Variants in MACROD2 observed in about 807,000 individuals in gnomAD.
MACROD2 encodes the protein ADP-ribose glycohydrolase MACROD2.
A neutral mutation model predicts 70.4 loss-of-function variants in MACROD2; 36 were observed. That is an observed-to-expected ratio of 0.51 (90% CI 0.39 to 0.68). The LOEUF (loss-of-function observed/expected upper bound fraction) is 0.68, where lower values mean the gene tolerates loss of function less well. Among genes scored for constraint, MACROD2 ranks in the 30% least tolerant of loss-of-function variants. MACROD2 has a pLI of 0.00. For synonymous variants in MACROD2, 172 were observed against 178.8 expected, an observed-to-expected ratio of 0.96 and a Z score of 0.30; for missense variants, 496 against 538.4, an observed-to-expected ratio of 0.92 and a Z score of 0.78.
intron 4 of MACROD2, among the ~76,000 whole-genome samples, chr20:14,588,000 A>G (rs946335419): frequency 1.3e-5 from 2 of 152,006 alleles, no homozygotes; most frequent in Non-Finnish European, 2.9e-5. Context: ...ATACTTTTCT[A>G]TTTTCCAATG....
chr20:15,778,441 G>T (rs986386440), intron 8 of MACROD2, among the ~76,000 whole-genome samples: 1 of 151,894 alleles, frequency 6.6e-6, no homozygotes, highest in Admixed American at 6.6e-5. Flanking sequence ...ATTCATAAGC[G>T]ACACATAATA....
chr20:15,836,095 AT>A (rs2064111434), intron 8 of MACROD2, among the ~76,000 whole-genome samples: 1 of 6,206 alleles, frequency 1.6e-4, no homozygotes, highest in Non-Finnish European at 2.8e-4. Flanking sequence ...GGTGACTCTT[AT>A]ATTTCCTGTG....
chr20:14,926,574 T>C (rs1223836310), intron 5 of MACROD2, among the ~76,000 whole-genome samples: 1 of 150,876 alleles, frequency 6.6e-6, no homozygotes, highest in African/African-American at 2.4e-5. Context: ...GCATTATGTT[T>C]GAGTGCTCAA....
At chr20:14,213,361 C>CAAAAA (rs60009822) in intron 3 of MACROD2, among the ~76,000 whole-genome samples, 11,971 of 30,264 alleles carry the variant, frequency 0.4, 5,205 homozygotes, top group Middle Eastern at 0.5. Context: ...CTTCTAGTGG[C>CAAAAA]AAAAAAAAAA....
At chr20:14,170,131 A>G (rs2081207993) in intron 3 of MACROD2, among the ~76,000 whole-genome samples, 1 of 152,104 alleles carries the variant, frequency 6.6e-6, no homozygotes. Flanking sequence ...TGATCTCATG[A>G]TCCACCTACC....
At chr20:14,928,686 C>A (rs545253124) in intron 5 of MACROD2, among the ~76,000 whole-genome samples, 1 of 152,162 alleles carries the variant, frequency 6.6e-6, no homozygotes, top group Admixed American at 6.5e-5. Flanking sequence ...CATGATGCCA[C>A]ATGGTAGCTG....
intron 3 of MACROD2, among the ~76,000 whole-genome samples, chr20:14,274,897 A>G (rs1296123960): frequency 6.6e-6 from 1 of 151,216 alleles, no homozygotes; most frequent in Non-Finnish European, 1.5e-5. Flanking sequence ...CCCATTCACA[A>G]TTGCTTCAAA....
intron 4 of MACROD2, among the ~76,000 whole-genome samples, chr20:14,579,597 G>T (rs953951317): frequency 6.6e-6 from 1 of 152,078 alleles, no homozygotes; most frequent in Non-Finnish European, 1.5e-5. Context: ...ATCACATTTT[G>T]TTCTTAATAG....
intron 6 of MACROD2, among the ~76,000 whole-genome samples, chr20:15,373,161 C>T (rs1161643576): frequency 1.3e-5 from 2 of 152,180 alleles, no homozygotes; most frequent in Admixed American, 6.6e-5. Flanking sequence ...CTATCAACCT[C>T]ACCTGGCCAG....
chr20:15,197,106 C>G (rs1601208153), intron 5 of MACROD2: 1 of 791,498 alleles, frequency 1.3e-6, no homozygotes, highest in African/African-American at 1.9e-5. Context: ...CCTTTTCATG[C>G]CCTGGTGAGT....
chr20:14,853,655 C>A (rs1030460750), intron 5 of MACROD2, among the ~76,000 whole-genome samples: 2 of 152,038 alleles, frequency 1.3e-5, no homozygotes, highest in African/African-American at 4.8e-5. Context: ...TATTAAATGC[C>A]TTAAGAAATG....
intron 8 of MACROD2, among the ~76,000 whole-genome samples, chr20:15,794,792 G>A (rs1445258276): frequency 6.6e-6 from 1 of 152,146 alleles, no homozygotes; most frequent in Non-Finnish European, 1.5e-5. Flanking sequence ...AGCTTTAAAA[G>A]TCTCTTTTTT....
intron 13 of MACROD2, among the ~76,000 whole-genome samples, chr20:15,978,582 G>GTC (rs59205516): frequency 0.04 from 5,871 of 146,288 alleles, 145 homozygotes; most frequent in East Asian, 0.064. Flanking sequence ...CTGACCTTGG[G>GTC]TCTCTCTCTC....
chr20:14,781,472 C>G (rs548249175), intron 5 of MACROD2, among the ~76,000 whole-genome samples: 10 of 146,208 alleles, frequency 6.8e-5, no homozygotes, highest in Non-Finnish European at 1.2e-4. Flanking sequence ...AGTGACTTCT[C>G]TTCCATCTAG....
At chr20:15,877,396 G>A (rs1481387851) in intron 9 of MACROD2, among the ~76,000 whole-genome samples, 1 of 152,022 alleles carries the variant, frequency 6.6e-6, no homozygotes, top group Non-Finnish European at 1.5e-5. Context: ...GATTTATAAA[G>A]TAATTAGATT....
chr20:15,829,352 G>A (rs564150987), intron 8 of MACROD2, among the ~76,000 whole-genome samples: 3 of 152,230 alleles, frequency 2.0e-5, no homozygotes, highest in South Asian at 2.1e-4. Context: ...ATCGTATTCC[G>A]TGTTGTCTCA....
At chr20:14,269,436 C>A (rs1199318520) in intron 3 of MACROD2, among the ~76,000 whole-genome samples, 1 of 152,044 alleles carries the variant, frequency 6.6e-6, no homozygotes, top group African/African-American at 2.4e-5. Context: ...TGGGGTCTGA[C>A]AAAAATAAAT....
chr20:15,601,793 C>A (rs1163932107), intron 8 of MACROD2, among the ~76,000 whole-genome samples: 1 of 152,106 alleles, frequency 6.6e-6, no homozygotes, highest in Admixed American at 6.5e-5. Context: ...CTTTGGGAGG[C>A]CGAGGCGGGT....
Position 15,421,419 on chromosome 20 carries a change from G to T in MACROD2, c.541-9986G>T, listed in dbSNP as rs1184759804. Among the ~76,000 whole-genome samples, 5 of 152,058 alleles carry T rather than the reference G, an allele frequency of 3.3e-5. 1 individual carries two copies. The East Asian group carries it at 9.7e-4, about 29-fold the overall frequency. ...CAAAAAGAATATGGGTTGCCAGGTT[G>T]CATGTTACAGCAAAATTTACACACA... On this transcript the variant is annotated intron_variant, in intron 6 of 17. Transcript: ENST00000684519.
Sources: allele counts gnomAD v4.1 joint callset (sites outside exome capture counted in the v4.1 genomes callset), GRCh38; gene constraint gnomAD v4.1.1; transcripts MANE v1.5; gene names NCBI Gene and HGNC (gene_info 2026-07-23, HGNC 2026-07-21).